DMXL2: variants seen among roughly 807,000 people sequenced by gnomAD.
DMXL2 encodes the protein Dmx like 2, also known as dmX-like protein 2.
In DMXL2, 103 loss-of-function variants were observed where a neutral mutation model predicts 331.1. That is an observed-to-expected ratio of 0.31 (90% confidence interval 0.27 to 0.37). The LOEUF is 0.37. DMXL2 is among the 10% of genes least tolerant of loss of function. The pLI is 1.00. For missense variants in DMXL2, 3,171 were observed against 3,642.9 expected (o/e 0.87, Z 3.33); for synonymous variants, 1,281 against 1,252.1 (o/e 1.02, Z -0.49).
At chr15:51,621,461 A>C (rs922219607) in intron 1 of DMXL2, among the ~76,000 whole-genome samples, 6 of 152,222 alleles carry the variant, frequency 3.9e-5, no homozygotes, top group Admixed American at 3.3e-4. Context: ...AGTTTACAAA[A>C]TATATTTAAT....
At chr15:51,475,927 G>A (rs957803601) in intron 27 of DMXL2, among the ~76,000 whole-genome samples, 2 of 152,186 alleles carry the variant, frequency 1.3e-5, no homozygotes, top group Non-Finnish European at 2.9e-5. Flanking sequence ...GACAAAGCAA[G>A]CATGGTAAAA....
intron 37 of DMXL2, 98 bp downstream of exon 37, chr15:51,457,230 T>C (rs2039707856): frequency 1.9e-5 from 25 of 1,290,150 alleles, no homozygotes; most frequent in Non-Finnish European, 2.6e-5. Flanking sequence ...CTACTGGTGT[T>C]TGTCCCTGAA....
intron 28 of DMXL2, among the ~76,000 whole-genome samples, chr15:51,472,290 A>C (rs1328782294): frequency 6.6e-6 from 1 of 152,172 alleles, no homozygotes; most frequent in African/African-American, 2.4e-5. Flanking sequence ...ACCTCAAACT[A>C]TACCCAGAAT....
rs1165333352 is a variant in DMXL2 at position 51,450,276 on chromosome 15, C to A, written c.8820G>T (p.Gly2940=). Residue 2940 remains glycine (G), a synonymous_variant, in exon 43 of 44, where the codon GGG becomes GGT. Transcript: ENST00000560891. ...YAPKQQLLIS[G]GRKGHVCIFD... is the part of the protein sequence containing the mutation. Reference sequence around the variant, plus strand: ...AAATGCAGACGTGTCCTTTCCTACCCCCCGAGATTAGGAGTTGCTGTTTGG... The same window carrying A: ...AAATGCAGACGTGTCCTTTCCTACCACCCGAGATTAGGAGTTGCTGTTTGG... The A allele has an allele frequency of 6.2e-7, 1 of 1,614,042 alleles. No homozygotes were observed. The highest frequency in any genetic ancestry group is 1.7e-5 in the Admixed American group (1 of 60,002).
At chr15:51,569,247 G>C (rs1311430134) in intron 2 of DMXL2, among the ~76,000 whole-genome samples, 1 of 152,168 alleles carries the variant, frequency 6.6e-6, no homozygotes, top group Non-Finnish European at 1.5e-5. Flanking sequence ...ACTCGAGCTT[G>C]GTGGGAGGAG....
At chr15:51,563,088 T>C (rs1360212597) in intron 6 of DMXL2, among the ~76,000 whole-genome samples, 2 of 152,194 alleles carry the variant, frequency 1.3e-5, no homozygotes, top group Admixed American at 1.3e-4. Context: ...AGTATTATTT[T>C]ACTTTTTAAG....
intron 2 of DMXL2, among the ~76,000 whole-genome samples, chr15:51,575,512 G>A (rs1354813993): frequency 1.3e-5 from 2 of 152,068 alleles, no homozygotes; most frequent in African/African-American, 4.8e-5. Context: ...AAAATTGGGG[G>A]AGAGGTACAT....
chr15:51,500,502 T>C (rs1453722463), intron 17 of DMXL2, among the ~76,000 whole-genome samples: 2 of 152,238 alleles, frequency 1.3e-5, no homozygotes, highest in East Asian at 1.9e-4. Context: ...GAGGCAACCA[T>C]TTAATTAAAA....
At position 51,449,296 on chromosome 15, in the gene DMXL2, C is replaced by T. The variant is rs1344554545; in HGVS notation, c.8968-103G>A. ...CCCAAGTGATCTCACTAAAGCCCAA[C>T]CTTCCCACCCACTGCCTCTTTCCTA... is the stretch of plus-strand genomic sequence containing the variant. On this transcript the variant is annotated intron_variant, in intron 43 of 43. Transcript: ENST00000560891. The T allele has an allele frequency of 4.7e-6, 5 of 1,055,756 alleles. No individual in the cohort carries two copies. The South Asian group carries it at 5.6e-5, about 12-fold the overall frequency. 65.4% of individuals were successfully genotyped at this position (1,055,756 alleles called of 1,614,324 possible). A position where few individuals can be genotyped will look rare whatever the true frequency, so the allele number is the denominator to read the frequency against.
intron 1 of DMXL2, among the ~76,000 whole-genome samples, chr15:51,592,568 G>T (rs555408872): frequency 6.6e-6 from 1 of 152,156 alleles, no homozygotes; most frequent in South Asian, 2.1e-4. Flanking sequence ...TACAGAGAAC[G>T]CCACAAAGAT....
In DMXL2 at chr15:51,594,211, A is replaced by C. The variant is rs57281445; in HGVS notation, c.88-18030T>G. Among the ~76,000 whole-genome samples the C allele has an allele frequency of 7.0e-3, 1,063 of 152,348 alleles. 18 individuals are homozygous for C. Among genetic ancestry groups the C allele is most frequent in the African/African-American group, 0.025 (1,020 of 41,582 alleles). The stretch of plus-strand genomic sequence containing the variant: ...GAAAAGAGAAGAATCAAATAGATGC[A>C]ACAAAAAATGATAAAGGGGATATCA... On this transcript the variant is annotated intron_variant, in intron 1 of 43. Transcript: ENST00000560891.
chr15:51,514,620 C>A, intron 14 of DMXL2, 61 bp from the exon 15 acceptor site: 1 of 944,952 alleles, frequency 1.1e-6, no homozygotes, highest in East Asian at 2.5e-5. Flanking sequence ...TCCCATCTCC[C>A]ATCTGTCACC....
Position 51,466,164 on chromosome 15 carries a change from GA to G in DMXL2, c.7520+19del, listed in dbSNP as rs765898150. ...AAGAAAAGCCAAAAAAAAAATGAGAGAAAGAAAAGTCTTATTTACCTATAGG... is the reference window on the plus strand; with the variant it reads ...AAGAAAAGCCAAAAAAAAAATGAGAGAAGAAAAGTCTTATTTACCTATAGG... On this transcript the variant is annotated intron_variant, in intron 30 of 43. Coordinates refer to ENST00000560891, the MANE Select transcript of DMXL2 (RefSeq NM_001378457.1). 6.5e-7 allele frequency: 1 copy of G among 1,529,786 alleles called. No homozygotes were observed. The highest frequency in any genetic ancestry group is 2.4e-5 in the Admixed American group (1 of 41,510). 94.8% of individuals were successfully genotyped at this position (1,529,786 alleles called of 1,614,324 possible).
chr15:51,518,621 C>T (rs566117297), intron 13 of DMXL2, among the ~76,000 whole-genome samples: 1 of 152,268 alleles, frequency 6.6e-6, no homozygotes, highest in African/African-American at 2.4e-5. Context: ...GGTTCTCAAT[C>T]TTGGCTGCAC....
At chr15:51,596,677 T>A (rs2052834545) in intron 1 of DMXL2, among the ~76,000 whole-genome samples, 1 of 152,086 alleles carries the variant, frequency 6.6e-6, no homozygotes, top group East Asian at 1.9e-4. Flanking sequence ...AACCCAAATG[T>A]CCAACAATGA....
At chr15:51,511,353 A>C (rs1246884043) in intron 15 of DMXL2, among the ~76,000 whole-genome samples, 1 of 152,248 alleles carries the variant, frequency 6.6e-6, no homozygotes, top group Non-Finnish European at 1.5e-5. Flanking sequence ...ACAAGAAAAA[A>C]ATAACCCCAT....
At chr15:51,478,825 ACAG>A (rs2041793738) in intron 25 of DMXL2, among the ~76,000 whole-genome samples, 1 of 152,188 alleles carries the variant, frequency 6.6e-6, no homozygotes, top group South Asian at 2.1e-4. Context: ...ACTGTGTGAA[ACAG>A]CAGATTTTCC....
Position 51,487,959 on chromosome 15 carries a change from T to C in DMXL2, c.5212A>G (p.Ile1738Val). ...FLLAGSLKDA[I>V]EVCLEKMEDI... is the part of the protein sequence containing the mutation. ...GTGTGTTTTCTTATTTATACCTCTA[T>C]GGCATCTTTCAATGAACCAGCTAGC... Residue 1738 changes from isoleucine (I) to valine (V), a missense_variant, in exon 22 of 44, where the codon ATA (isoleucine) becomes GTA (valine). Coordinates refer to ENST00000560891, the MANE Select transcript of DMXL2 (RefSeq NM_001378457.1). 1 of 1,607,956 alleles carries C rather than the reference T, an allele frequency of 6.2e-7. No homozygotes were observed. The highest frequency in any genetic ancestry group is 8.5e-7 in the Non-Finnish European group (1 of 1,177,940).
At position 51,464,790 on chromosome 15, in the gene DMXL2, A is replaced by G. The variant is rs1270787589; in HGVS notation, c.7693T>C (p.Phe2565Leu). Reference sequence around the variant, plus strand: ...ATATAGTTAGGGGGTGGACCTTCAAACTGATCCATTTTCTCTTGCAAGATC... The same window carrying G: ...ATATAGTTAGGGGGTGGACCTTCAAGCTGATCCATTTTCTCTTGCAAGATC... The part of the protein sequence containing the change: ...EQILQEKMDQ[F>L]EGPPPNYINT... Residue 2565 changes from phenylalanine to leucine, a missense_variant, in exon 32 of 44, where the codon TTT becomes CTT. By Grantham distance (22) the Phe-to-Leu change is conservative. Around this residue, in one of 7 missense-constraint regions of DMXL2, gnomAD observed 766 missense variants for 940.5 expected, o/e 0.81. Transcript: ENST00000560891. 1.2e-6 allele frequency: 2 copies of G among 1,614,124 alleles called. No individual in the cohort carries two copies. The highest frequency in any genetic ancestry group is 1.7e-5 in the Admixed American group (1 of 60,024).
Sources: gnomAD v4.1 joint callset for allele counts (sites outside exome capture counted in the v4.1 genomes callset) on GRCh38, gnomAD v4.1.1 for gene constraint, gnomAD v4.1.1 regional missense constraint, MANE v1.5 for transcripts, NCBI Gene and HGNC (gene_info 2026-07-23, HGNC 2026-07-21) for gene names.